Variants in SLC14A2 observed in about 807,000 individuals in gnomAD.
SLC14A2 encodes the protein urea transporter 2.
A neutral mutation model predicts 104.6 loss-of-function variants in SLC14A2; 91 were observed. That is an observed-to-expected ratio of 0.87 (90% confidence interval 0.73 to 1.04). SLC14A2 has a LOEUF of 1.04. SLC14A2 is among the 50% of genes least tolerant of loss of function. SLC14A2 has a pLI of 0.00. For synonymous variants in SLC14A2, 476 were observed against 466.4 expected, an observed-to-expected ratio of 1.02 and a Z score of -0.27; for missense variants, 1,189 against 1,156.0, an observed-to-expected ratio of 1.03 and a Z score of -0.41.
At chr18:45,436,198 CGTT>C (rs985897568) in intron 1 of SLC14A2, among the ~76,000 whole-genome samples, 3 of 152,162 alleles carry the variant, frequency 2.0e-5, no homozygotes, top group Non-Finnish European at 4.4e-5. Context: ...AAAAAAATTA[CGTT>C]GTTTATGTTA....
intron 2 of SLC14A2, among the ~76,000 whole-genome samples, chr18:45,565,270 G>A (rs1174784768): frequency 1.3e-5 from 2 of 151,880 alleles, no homozygotes; most frequent in Non-Finnish European, 2.9e-5. Flanking sequence ...GAGTACAGGC[G>A]CCCGCCACCA....
At chr18:45,583,314 T>A (rs2044523827) in intron 2 of SLC14A2, among the ~76,000 whole-genome samples, 1 of 152,152 alleles carries the variant, frequency 6.6e-6, no homozygotes, top group Admixed American at 6.5e-5. Flanking sequence ...AAGATCCAGC[T>A]CAAACAGCCC....
intron 10 of SLC14A2, among the ~76,000 whole-genome samples, chr18:45,657,532 A>G (rs2045860370): frequency 6.6e-6 from 1 of 150,714 alleles, no homozygotes; most frequent in South Asian, 2.1e-4. Flanking sequence ...GGAAGGAAGG[A>G]AGGAAGGAAA....
upstream of SLC14A2, chr18:45,614,793 GCTT>G (rs1478792861): frequency 8.3e-5 from 11 of 131,848 alleles, no homozygotes; most frequent in Non-Finnish European, 1.6e-4. Flanking sequence ...TAACTAACTT[GCTT>G]TTTTTTTTTT....
intron 1 of SLC14A2, among the ~76,000 whole-genome samples, chr18:45,289,176 A>G (rs1162730294): frequency 6.6e-6 from 1 of 152,122 alleles, no homozygotes; most frequent in Non-Finnish European, 1.5e-5. Flanking sequence ...TTTAATTATT[A>G]TATCCATGTC....
intron 1 of SLC14A2, among the ~76,000 whole-genome samples, chr18:45,259,069 C>A (rs369478724): frequency 6.6e-6 from 1 of 152,180 alleles, no homozygotes; most frequent in Non-Finnish European, 1.5e-5. Context: ...GCCTTCTAAC[C>A]CCTACAGTTG....
At chr18:45,442,259 A>T (rs978452204) in intron 1 of SLC14A2, among the ~76,000 whole-genome samples, 3 of 152,228 alleles carry the variant, frequency 2.0e-5, no homozygotes, top group African/African-American at 7.2e-5. Flanking sequence ...GTATGCTAGC[A>T]CTGCCATCAC....
At chr18:45,215,816 A>G (rs2084005296) in intron 1 of SLC14A2, among the ~76,000 whole-genome samples, 1 of 152,008 alleles carries the variant, frequency 6.6e-6, no homozygotes, top group South Asian at 2.1e-4. Flanking sequence ...TTTTTACAGA[A>G]TTCTCTCTGT....
intron 10 of SLC14A2, among the ~76,000 whole-genome samples, chr18:45,653,813 T>C (rs1416364032): frequency 1.3e-5 from 2 of 152,208 alleles, no homozygotes; most frequent in African/African-American, 2.4e-5. Flanking sequence ...GAAATTTCCA[T>C]TCAGATGCTG....
chr18:45,248,828 C>G (rs550736187), intron 1 of SLC14A2, among the ~76,000 whole-genome samples: 2 of 152,264 alleles, frequency 1.3e-5, no homozygotes, highest in East Asian at 3.9e-4. Flanking sequence ...CAATTTAGGT[C>G]AAAATTCTCC....
At chr18:45,489,217 C>A (rs1261845870) in intron 2 of SLC14A2, among the ~76,000 whole-genome samples, 1 of 152,102 alleles carries the variant, frequency 6.6e-6, no homozygotes, top group Non-Finnish European at 1.5e-5. Flanking sequence ...TAACAGTTAA[C>A]CTATACTAAA....
intron 10 of SLC14A2, among the ~76,000 whole-genome samples, chr18:45,644,563 G>A (rs1043600224): frequency 2.0e-5 from 3 of 152,118 alleles, no homozygotes; most frequent in African/African-American, 7.2e-5. Context: ...CACAGAGTAG[G>A]GGGGTAAGTC....
rs574086519 is a variant in SLC14A2, at chr18:45,599,577, G to C, written c.-34-25054G>C. On this transcript the variant is annotated intron_variant, in intron 2 of 20. Coordinates refer to the SLC14A2 transcript ENST00000586448. ...CCTACCATGGAACATGATTGTGTCT[G>C]TCTCTCTCCAGAGTGCAGGGAGCAT... Among the ~76,000 whole-genome samples, 73 of 152,316 alleles carry C rather than the reference G, an allele frequency of 4.8e-4. 3 individuals carry two copies. The South Asian group carries it at 7.5e-3, about 16-fold the overall frequency.
At chr18:45,479,860 G>C (rs974676775) in intron 1 of SLC14A2, among the ~76,000 whole-genome samples, 1 of 152,178 alleles carries the variant, frequency 6.6e-6, no homozygotes, top group African/African-American at 2.4e-5. Flanking sequence ...TCTGGACTCT[G>C]TCCGGATGTG....
At chr18:45,338,276 C>T (rs1246223182) in intron 1 of SLC14A2, among the ~76,000 whole-genome samples, 1 of 152,152 alleles carries the variant, frequency 6.6e-6, no homozygotes, top group East Asian at 1.9e-4. Flanking sequence ...TCTTGGCTCA[C>T]TGCAAGCTCC....
intron 1 of SLC14A2, among the ~76,000 whole-genome samples, chr18:45,443,613 T>C (rs1004487403): frequency 3.9e-5 from 6 of 152,194 alleles, no homozygotes; most frequent in Admixed American, 2.6e-4. Context: ...TTGTAGGTTT[T>C]ATGGCTGGAT....
At chr18:45,471,361 C>T (rs2087245312) in intron 1 of SLC14A2, among the ~76,000 whole-genome samples, 2 of 152,050 alleles carry the variant, frequency 1.3e-5, no homozygotes, top group East Asian at 3.9e-4. Context: ...TCTTTCTTTA[C>T]CATTGGGTAT....
chr18:45,270,061 A>T (rs2084635428), intron 1 of SLC14A2, among the ~76,000 whole-genome samples: 1 of 152,182 alleles, frequency 6.6e-6, no homozygotes, highest in South Asian at 2.1e-4. Context: ...TTTGCATTAA[A>T]TAAACTGCCT....
intron 8 of SLC14A2, among the ~76,000 whole-genome samples, chr18:45,641,799 G>T (rs2045533139): frequency 6.6e-6 from 1 of 152,194 alleles, no homozygotes; most frequent in African/African-American, 2.4e-5. Flanking sequence ...AAGGTTGTTG[G>T]AATGATCCAG....
Sources: allele counts gnomAD v4.1 joint callset (sites outside exome capture counted in the v4.1 genomes callset), GRCh38; gene constraint gnomAD v4.1.1; transcripts MANE v1.5; gene names NCBI Gene and HGNC (gene_info 2026-07-23, HGNC 2026-07-21).